The following TDRD7 variants were observed in gnomAD, a reference collection of about 807,000 sequenced individuals.
TDRD7 encodes the protein tudor domain containing 7, also known as tudor domain-containing protein 7.
In TDRD7, 47 loss-of-function variants were observed where a neutral mutation model predicts 109.8. The observed-to-expected ratio is 0.43, with a 90% CI of 0.34 to 0.55. TDRD7 has a LOEUF of 0.55. TDRD7 is among the 20% of genes least tolerant of loss of function. The pLI, the probability that TDRD7 is intolerant of heterozygous loss-of-function variation, is 0.03. For missense variants in TDRD7, 1,164 were observed against 1,319.2 expected, an observed-to-expected ratio of 0.88 and a Z score of 1.82; for synonymous variants, 424 against 457.3, an observed-to-expected ratio of 0.93 and a Z score of 0.93.
chr9:97,425,479 T>C (rs1047727798), intron 1 of TDRD7, among the ~76,000 whole-genome samples: 3 of 152,216 alleles, frequency 2.0e-5, no homozygotes, highest in Non-Finnish European at 4.4e-5. Context: ...GGTTATACCA[T>C]ATAGCCTAGG....
intron 1 of TDRD7, among the ~76,000 whole-genome samples, chr9:97,424,754 T>C (rs1176131274): frequency 2.0e-5 from 3 of 152,182 alleles, no homozygotes; most frequent in African/African-American, 7.2e-5. Context: ...TAATGTTTTA[T>C]AGGGCTATTT....
At position 97,487,281 on chromosome 9, in the gene TDRD7, G is replaced by A. The variant is rs4437756; in HGVS notation, c.3025G>A (p.Val1009Met). 1 of 1,614,006 alleles carries A rather than the reference G, an allele frequency of 6.2e-7. No homozygotes were observed. The highest frequency in any genetic ancestry group is 1.1e-5 in the South Asian group (1 of 91,086). Residue 1009 changes from valine to methionine, a missense_variant, in exon 16 of 17, where the codon GTG (valine) becomes ATG (methionine). Transcript: ENST00000355295. ...LVNIRKVQPLVDMFRKLPFQA... is the reference protein window; with the variant it reads ...LVNIRKVQPLMDMFRKLPFQA... ...CAACATAAGAAAAGTACAGCCCCTA[G>A]TGGACATGTTCCGAAAGCTGCCCTT...
rs1246755863 is a variant in TDRD7 at position 97,445,690 on chromosome 9, A to T, written c.855+3815A>T. On this transcript the variant is annotated intron_variant, in intron 6 of 16. Transcript: ENST00000355295. ...GCTGAAAGAAATTCAGTAAGAAGAG[A>T]GTTGCTCAGGAAGAAGCTGAAGAGG... is the stretch of plus-strand genomic sequence containing the variant. 2.6e-5 allele frequency among the ~76,000 whole-genome samples: 4 copies of T among 152,180 alleles called. No homozygotes were observed. The East Asian group carries it at 7.7e-4, about 29-fold the overall frequency.
intron 10 of TDRD7, 71 bp downstream of exon 10, chr9:97,472,566 AT>A: frequency 7.9e-7 from 1 of 1,258,858 alleles, no homozygotes; most frequent in South Asian, 1.2e-5. Flanking sequence ...AATATTATAC[AT>A]TTTAGGCTAA....
intron 1 of TDRD7, among the ~76,000 whole-genome samples, chr9:97,421,265 A>G (rs981263381): frequency 2.6e-5 from 4 of 152,228 alleles, no homozygotes; most frequent in Non-Finnish European, 5.9e-5. Flanking sequence ...TTTTTAAAAA[A>G]TTAAGCTGCT....
intron 1 of TDRD7, among the ~76,000 whole-genome samples, chr9:97,424,871 T>C (rs1370254220): frequency 2.6e-5 from 4 of 152,066 alleles, no homozygotes; most frequent in African/African-American, 9.7e-5. Context: ...TTTTCCTGTC[T>C]AATTTTTTTT....
intron 1 of TDRD7, among the ~76,000 whole-genome samples, chr9:97,422,632 C>T (rs1827918571): frequency 6.6e-6 from 1 of 152,226 alleles, no homozygotes; most frequent in African/African-American, 2.4e-5. Context: ...AGCACTCACT[C>T]TTTAGCTGTG....
intron 5 of TDRD7, among the ~76,000 whole-genome samples, chr9:97,440,856 T>C (rs1828291050): frequency 6.6e-6 from 1 of 152,224 alleles, no homozygotes; most frequent in African/African-American, 2.4e-5. Context: ...AATTTCATAG[T>C]TCTTAAAATT....
At chr9:97,432,826 G>C (rs2118309434) in intron 4 of TDRD7, among the ~76,000 whole-genome samples, 1 of 152,318 alleles carries the variant, frequency 6.6e-6, no homozygotes, top group Admixed American at 6.5e-5. Flanking sequence ...GGTTTTATAA[G>C]GTAGCTCAGA....
Position 97,412,650 on chromosome 9 carries a change from C to A in TDRD7, c.-7+412C>A, listed in dbSNP as rs1318697363. 2.0e-5 allele frequency among the ~76,000 whole-genome samples: 3 copies of A among 152,224 alleles called. No individual in the cohort carries two copies. Among genetic ancestry groups the A allele is most frequent in the Admixed American group, 2.0e-4 (3 of 15,286 alleles). On this transcript the variant is annotated intron_variant, in intron 1 of 16. Transcript: ENST00000355295. This position sits in a 1 kb window ranked among gnomAD's most constrained non-coding sequence, Gnocchi z 4.3. ...GACAGGCCGCAGCCGCCGCCCCCAG[C>A]GAGGGATGTCCGCGCTCCCCTATTT... is the stretch of plus-strand genomic sequence containing the variant.
At chr9:97,446,399 C>CA (rs1828401959) in intron 6 of TDRD7, among the ~76,000 whole-genome samples, 1 of 152,126 alleles carries the variant, frequency 6.6e-6, no homozygotes, top group Non-Finnish European at 1.5e-5. Context: ...GGGCTGGAGG[C>CA]ACACCAAGCC....
At chr9:97,414,845 G>A (rs967501066) in intron 1 of TDRD7, among the ~76,000 whole-genome samples, 3 of 152,148 alleles carry the variant, frequency 2.0e-5, no homozygotes, top group Non-Finnish European at 2.9e-5. Context: ...TAAAAGTGTC[G>A]CAAGGTGAGA....
chr9:97,441,615 T>C (rs1828306006), intron 5 of TDRD7, 43 bp from the exon 6 acceptor site: 7 of 1,497,380 alleles, frequency 4.7e-6, no homozygotes, highest in Non-Finnish European at 4.6e-6. Context: ...TAATCTAAAA[T>C]GTTAAGCATT....
chr9:97,441,794 A>G lies in TDRD7; in HGVS notation c.774A>G (p.Pro258=), dbSNP rs144444711. Residue 258 remains proline (P), a synonymous_variant, in exon 6 of 17, where the codon CCA becomes CCG. Coordinates refer to ENST00000355295, the MANE Select transcript of TDRD7 (RefSeq NM_014290.3). ...ATGGCATTTGGATATCTAAGCTTCC[A>G]CATTTTTACAAAGAGTTATATAAAG... ...HNNGIWISKL[P]HFYKELYKED... 3.5e-5 allele frequency: 56 copies of G among 1,613,764 alleles called. 1 individual carries two copies. In the African/African-American group the frequency reaches 6.8e-4, roughly 20 times the overall value.
At chr9:97,447,808 C>T (rs1459234971) in intron 6 of TDRD7, among the ~76,000 whole-genome samples, 1 of 152,224 alleles carries the variant, frequency 6.6e-6, no homozygotes, top group East Asian at 1.9e-4. Flanking sequence ...TTCCAAAAAG[C>T]TCTGCACATG....
intron 1 of TDRD7, among the ~76,000 whole-genome samples, chr9:97,418,617 A>G (rs1827850418): frequency 6.6e-6 from 1 of 152,106 alleles, no homozygotes; most frequent in Admixed American, 6.5e-5. Flanking sequence ...AGGAAGATAG[A>G]AGGGACATTT....
chr9:97,483,310 A>T lies in TDRD7; in HGVS notation c.2874A>T (p.Ala958=). ...GCGTGTCTGAAGAGCGCCACATAGC[A>T]GTGGAGAAAGACCAAGTGTATGCTG... The part of the protein sequence containing the change: ...YYSVSEERHI[A]VEKDQVYAAK... The change falls in exon 15 of 17, where the codon GCA becomes GCT. Residue 958 remains alanine (A), a synonymous_variant. Transcript: ENST00000355295. 1 of 1,614,172 alleles carries T rather than the reference A, an allele frequency of 6.2e-7. No individual in the cohort carries two copies. The highest frequency in any genetic ancestry group is 8.5e-7 in the Non-Finnish European group (1 of 1,180,026).
chr9:97,426,226 T>A (rs1334057301), intron 1 of TDRD7, among the ~76,000 whole-genome samples: 1 of 152,192 alleles, frequency 6.6e-6, no homozygotes, highest in Non-Finnish European at 1.5e-5. Flanking sequence ...TAGGCGACAC[T>A]AAATTTATTA....
At chr9:97,457,775 C>T (rs769621790) in intron 6 of TDRD7, among the ~76,000 whole-genome samples, 16 of 152,248 alleles carry the variant, frequency 1.1e-4, no homozygotes, top group South Asian at 2.1e-4. Flanking sequence ...AAATGTGGTG[C>T]GTACACACTA....
Sources: allele counts gnomAD v4.1 joint callset (sites outside exome capture counted in the v4.1 genomes callset), GRCh38; gene constraint gnomAD v4.1.1; non-coding constraint Gnocchi (gnomAD v3.1); transcripts MANE v1.5; gene names NCBI Gene and HGNC (gene_info 2026-07-23, HGNC 2026-07-21).